Variants in HELQ observed in about 807,000 individuals in gnomAD.
HELQ encodes the protein helicase POLQ-like.
Under a neutral mutation model 111.6 loss-of-function variants are expected in HELQ, and 77 were observed. The observed-to-expected ratio is 0.69, with a 90% CI of 0.57 to 0.83. The LOEUF (loss-of-function observed/expected upper bound fraction) is 0.83, where lower values mean the gene tolerates loss of function less well. HELQ is among the 40% of genes least tolerant of loss of function. The pLI is 0.00. For synonymous variants in HELQ, 438 were observed against 454.7 expected, an observed-to-expected ratio of 0.96 and a Z score of 0.47; for missense variants, 1,200 against 1,288.5, an observed-to-expected ratio of 0.93 and a Z score of 1.05.
At chr4:83,455,332 G>T in intron 1 of HELQ, 65 bp downstream of exon 1, 1 of 1,574,698 alleles carries the variant, frequency 6.4e-7, no homozygotes, top group Non-Finnish European at 8.6e-7. Context: ...GATAAAACTG[G>T]TCAACTCTTT....
At chr4:83,424,792 AT>A (rs1480718322) in intron 14 of HELQ, among the ~76,000 whole-genome samples, 2 of 151,790 alleles carry the variant, frequency 1.3e-5, no homozygotes, top group Non-Finnish European at 2.9e-5. Flanking sequence ...TCCTGACCTC[AT>A]GGTCGCCCAC....
At chr4:83,449,655 C>T (rs1173941414) in intron 2 of HELQ, among the ~76,000 whole-genome samples, 1 of 152,054 alleles carries the variant, frequency 6.6e-6, no homozygotes, top group Non-Finnish European at 1.5e-5. Flanking sequence ...CAATAAAAAT[C>T]ATCAGAAGTC....
intron 15 of HELQ, among the ~76,000 whole-genome samples, chr4:83,421,326 T>C (rs1172092019): frequency 1.3e-5 from 2 of 152,236 alleles, no homozygotes; most frequent in African/African-American, 4.8e-5. Flanking sequence ...AAGACACTTT[T>C]CATTATGTGT....
At chr4:83,419,154 C>T (rs1001102818) in intron 15 of HELQ, among the ~76,000 whole-genome samples, 13 of 147,320 alleles carry the variant, frequency 8.8e-5, no homozygotes, top group African/African-American at 3.5e-4. Context: ...TCTTACAACA[C>T]CATGAGATTT....
chr4:83,413,050 A>G (rs978084876), intron 17 of HELQ, among the ~76,000 whole-genome samples: 1 of 152,260 alleles, frequency 6.6e-6, no homozygotes, highest in Non-Finnish European at 1.5e-5. Context: ...GTCTAAGAGT[A>G]CAGGATTCAC....
chr4:83,454,855 C>T (rs978410065), intron 1 of HELQ, among the ~76,000 whole-genome samples: 1 of 152,130 alleles, frequency 6.6e-6, no homozygotes, highest in African/African-American at 2.4e-5. Context: ...CAGTGACTGG[C>T]CTCTAACAGA....
At chr4:83,429,186 G>A (rs1350682689) in intron 12 of HELQ, among the ~76,000 whole-genome samples, 2 of 152,018 alleles carry the variant, frequency 1.3e-5, no homozygotes, top group Non-Finnish European at 2.9e-5. Context: ...CGGCTCTGTT[G>A]CCCAGCCTGG....
At chr4:83,416,598 T>A in intron 17 of HELQ, 133 bp downstream of exon 17, 1 of 880,266 alleles carries the variant, frequency 1.1e-6, no homozygotes, top group South Asian at 2.0e-5. Flanking sequence ...TACTCACAAA[T>A]AAGAGTATGT....
chr4:83,449,093 A>G (rs976616846), intron 2 of HELQ, 132 bp from the exon 3 acceptor site: 3 of 703,424 alleles, frequency 4.3e-6, no homozygotes, highest in Non-Finnish European at 6.9e-6. Context: ...ATTATAACCA[A>G]TGTTACATGT....
rs749922034 is a variant in HELQ at position 83,453,764 on chromosome 4, G to T, written c.479C>A (p.Thr160Asn). ...TAATTCAGTAAGGTTGCCTATGGTAGTAATGCTGAGTTTGTTTTTGATACT... is the reference window on the plus strand; with the variant it reads ...TAATTCAGTAAGGTTGCCTATGGTATTAATGCTGAGTTTGTTTTTGATACT... Reference protein sequence around the residue: ...SESIKNKLSITTIGNLTELQT... With the variant: ...SESIKNKLSINTIGNLTELQT... The change falls in exon 2 of 18, where the codon ACT (threonine) becomes AAT (asparagine). Residue 160 changes from threonine (T) to asparagine (N), a missense_variant. Coordinates refer to ENST00000295488, the MANE Select transcript of HELQ (RefSeq NM_133636.5). 5 of 1,614,072 alleles carry T rather than the reference G, an allele frequency of 3.1e-6. No individual in the cohort carries two copies. The highest frequency in any genetic ancestry group is 4.2e-6 in the Non-Finnish European group (5 of 1,180,044).
rs115288904 is a variant in HELQ at position 83,445,257 on chromosome 4, A to T, written c.1465+757T>A. ...ATGCCCTAAAATACAGGCTTGATGAAAGCAGGGACTATTTTATTCACTGCT... is the reference window on the plus strand; with the variant it reads ...ATGCCCTAAAATACAGGCTTGATGATAGCAGGGACTATTTTATTCACTGCT... On this transcript the variant is annotated intron_variant, in intron 5 of 17. Transcript: ENST00000295488. Among the ~76,000 whole-genome samples the T allele has an allele frequency of 3.7e-3, 564 of 152,302 alleles. 4 individuals carry two copies. Among genetic ancestry groups the T allele is most frequent in the African/African-American group, 0.013 (545 of 41,560 alleles).
At chr4:83,445,967 CTCTTGAT>C in intron 5 of HELQ, 40 bp downstream of exon 5, 1 of 1,180,048 alleles carries the variant, frequency 8.5e-7, no homozygotes, top group Non-Finnish European at 1.3e-6. Flanking sequence ...TTTTATAAGT[CTCTTGAT>C]TATAAATCAA....
At chr4:83,426,132 A>C (rs1189920299) in intron 13 of HELQ, 40 bp from the exon 14 acceptor site, 1 of 1,062,418 alleles carries the variant, frequency 9.4e-7, no homozygotes, top group Non-Finnish European at 1.5e-6. Context: ...ACATCAAAAA[A>C]TCTGTCATGT....
At chr4:83,423,972 TG>T (rs1198341729) in intron 14 of HELQ, among the ~76,000 whole-genome samples, 3 of 151,874 alleles carry the variant, frequency 2.0e-5, no homozygotes, top group Admixed American at 1.3e-4. Context: ...AAAGGTCAGG[TG>T]GGGGGCCTCT....
At chr4:83,436,803 C>A in intron 9 of HELQ, 55 bp downstream of exon 9, 2 of 1,552,846 alleles carry the variant, frequency 1.3e-6, no homozygotes, top group Non-Finnish European at 1.7e-6. Context: ...CAAAACTCCT[C>A]GCAAGCTAGA....
At chr4:83,420,870 CA>C (rs1196677172) in intron 15 of HELQ, among the ~76,000 whole-genome samples, 19 of 151,710 alleles carry the variant, frequency 1.3e-4, no homozygotes, top group Non-Finnish European at 1.8e-4. Flanking sequence ...CTCTGGAGGT[CA>C]AAGCTGCAGT....
chr4:83,454,061 G>A (rs1721572928), intron 1 of HELQ, 116 bp from the exon 2 acceptor site: 2 of 689,250 alleles, frequency 2.9e-6, no homozygotes, highest in South Asian at 3.6e-5. Context: ...AAAATTAGCC[G>A]GGCATAGTGG....
At chr4:83,420,712 G>A (rs148753877) in intron 15 of HELQ, among the ~76,000 whole-genome samples, 1,603 of 152,198 alleles carry the variant, frequency 0.011, 20 homozygotes, top group African/African-American at 0.037. Context: ...ATGAACTCGG[G>A]AGGCGGGGGT....
chr4:83,455,305 G>C, intron 1 of HELQ, 92 bp downstream of exon 1: 1 of 1,545,484 alleles, frequency 6.5e-7, no homozygotes, highest in Non-Finnish European at 8.7e-7. Context: ...ACGAAGACGA[G>C]AGAAGTAAAC....
Sources: gnomAD v4.1 joint callset for allele counts (sites outside exome capture counted in the v4.1 genomes callset) on GRCh38, gnomAD v4.1.1 for gene constraint, MANE v1.5 for transcripts, NCBI Gene and HGNC (gene_info 2026-07-23, HGNC 2026-07-21) for gene names.